ILDR2: variants seen among roughly 807,000 people sequenced by gnomAD.
ILDR2 encodes immunoglobulin-like domain-containing receptor 2.
Under a neutral mutation model 66.8 loss-of-function variants are expected in ILDR2, and 25 were observed. That is an observed-to-expected ratio of 0.37 (90% confidence interval 0.27 to 0.52). The LOEUF (loss-of-function observed/expected upper bound fraction) is 0.52, where lower values mean the gene tolerates loss of function less well. Ranked by LOEUF, ILDR2 falls within the 20% of genes least tolerant of loss-of-function variation. The pLI is 0.88. For missense variants in ILDR2, 827 were observed against 876.8 expected (o/e 0.94, Z 0.72); for synonymous variants, 367 against 357.2 (o/e 1.03, Z -0.31).
At chr1:166,962,391 C>T (rs934407296) in intron 1 of ILDR2, among the ~76,000 whole-genome samples, 1 of 152,184 alleles carries the variant, frequency 6.6e-6, no homozygotes, top group East Asian at 1.9e-4. Context: ...TTGCCCTGAA[C>T]TCTGGCCTGC....
intron 1 of ILDR2, among the ~76,000 whole-genome samples, chr1:166,967,965 C>T (rs906932501): frequency 1.3e-5 from 2 of 152,164 alleles, no homozygotes; most frequent in African/African-American, 2.4e-5. Flanking sequence ...AGTTGAGGAT[C>T]TCATTGTGTC....
chr1:166,952,213 G>T (rs1406664689), intron 3 of ILDR2, among the ~76,000 whole-genome samples: 2 of 152,132 alleles, frequency 1.3e-5, no homozygotes, highest in Non-Finnish European at 2.9e-5. Flanking sequence ...ACAGTGGCGT[G>T]GTTCCAGATT....
In ILDR2 at chr1:166,911,182, C is replaced by T. The variant is rs1286741128; in HGVS notation, c.*8173G>A. On this transcript the variant is annotated 3_prime_UTR_variant, in exon 10 of 10. Transcript: ENST00000271417. The stretch of plus-strand genomic sequence containing the variant: ...TATGTCTATAATTAAGACAGCCATT[C>T]TCTTATATTATCAAACTCTAAAGAA... 6.6e-6 allele frequency: 1 copy of T among 152,252 alleles called. No homozygotes were observed. Among genetic ancestry groups the T allele is most frequent in the Non-Finnish European group, 1.5e-5 (1 of 68,044 alleles). 9.4% of individuals were successfully genotyped at this position (152,252 alleles called of 1,614,324 possible). A position where few individuals can be genotyped will look rare whatever the true frequency, so the allele number is the denominator to read the frequency against.
At position 166,910,108 on chromosome 1, in the gene ILDR2, G is replaced by A. The variant is rs143095103; in HGVS notation, c.*9247C>T. ...CTTTGGTTGTACAGTTTGATGACACGGTTTTTGCTTGTTAAAGAGAAACTG... is the reference window on the plus strand; with the variant it reads ...CTTTGGTTGTACAGTTTGATGACACAGTTTTTGCTTGTTAAAGAGAAACTG... On this transcript the variant is annotated 3_prime_UTR_variant, in exon 10 of 10. Transcript: ENST00000271417. The A allele has an allele frequency of 1.6e-4, 25 of 152,002 alleles. No homozygotes were observed. The highest frequency in any genetic ancestry group is 5.8e-4 in the African/African-American group (24 of 41,460). 9.4% of individuals were successfully genotyped at this position (152,002 alleles called of 1,614,324 possible).
rs1659467853 is a variant in ILDR2 at position 166,911,291 on chromosome 1, G to C, written c.*8064C>G. 1 of 152,180 alleles carries C rather than the reference G, an allele frequency of 6.6e-6. No individual in the cohort carries two copies. Among genetic ancestry groups the C allele is most frequent in the African/African-American group, 2.4e-5 (1 of 41,442 alleles). The allele number at this position is 152,180 out of a possible 1,614,324, so 9.4% of individuals were successfully genotyped here. A position where few individuals can be genotyped will look rare whatever the true frequency, so the allele number is the denominator to read the frequency against. On this transcript the variant is annotated 3_prime_UTR_variant, in exon 10 of 10. Transcript: ENST00000271417. ...GTTGCATTAGAAAGAAATGCACAAT[G>C]CGTGTATGTGTGCCTTTTTCATTTT...
downstream of ILDR2, among the ~76,000 whole-genome samples, chr1:166,904,972 G>GCTAGGTAA (rs1347996837): frequency 3.3e-5 from 5 of 152,134 alleles, no homozygotes; most frequent in Non-Finnish European, 7.3e-5. Context: ...ATCCCTTTGT[G>GCTAGGTAA]CTAGGTAACA....
intron 3 of ILDR2, among the ~76,000 whole-genome samples, chr1:166,956,431 C>A (rs1662286512): frequency 8.2e-6 from 1 of 122,304 alleles, no homozygotes; most frequent in African/African-American, 3.2e-5. Context: ...TATAACAAGA[C>A]AAAGAGAGAA....
At chr1:166,938,066 A>G (rs1571146578) in intron 4 of ILDR2, among the ~76,000 whole-genome samples, 1 of 152,376 alleles carries the variant, frequency 6.6e-6, no homozygotes, top group East Asian at 1.9e-4. Flanking sequence ...AATACATTCA[A>G]ATTAAACAGG....
chr1:166,904,112 C>A (rs191400755), downstream of ILDR2, among the ~76,000 whole-genome samples: 3 of 152,334 alleles, frequency 2.0e-5, no homozygotes, highest in South Asian at 4.1e-4. Context: ...CAGTGCCAAA[C>A]CATTGTATAG....
intron 5 of ILDR2, among the ~76,000 whole-genome samples, chr1:166,935,985 A>G (rs1343672878): frequency 6.6e-6 from 1 of 152,236 alleles, no homozygotes. Flanking sequence ...TCCTGAAGAC[A>G]CTAAAGATAA....
chr1:166,940,114 C>T (rs1661221579), intron 3 of ILDR2, among the ~76,000 whole-genome samples: 1 of 152,164 alleles, frequency 6.6e-6, no homozygotes, highest in Non-Finnish European at 1.5e-5. Flanking sequence ...TTACACATTC[C>T]TCTACACTCC....
At position 166,909,770 on chromosome 1, in the gene ILDR2, AATATATATATTTATATATATATAT is replaced by A. The variant is rs1256275686; in HGVS notation, c.*9561_*9584del. 6.0e-5 allele frequency: 4 copies of A among 66,218 alleles called. No individual in the cohort carries two copies. The highest frequency in any genetic ancestry group is 6.8e-4 in the East Asian group (1 of 1,474). 4.1% of individuals were successfully genotyped at this position (66,218 alleles called of 1,614,324 possible). ...ATATATATATATATAAATATATATA[AATATATATATTTATATATATATAT>A]ATATATATATATCCTTCTAGCTTTG... On this transcript the variant is annotated 3_prime_UTR_variant, in exon 10 of 10. Transcript: ENST00000271417.
chr1:166,939,255 A>AAGGAT, intron 4 of ILDR2, among the ~76,000 whole-genome samples: 1 of 152,228 alleles, frequency 6.6e-6, no homozygotes, highest in Non-Finnish European at 1.5e-5. Flanking sequence ...GGAGATTGCC[A>AAGGAT]AAGAGCCTGC....
intron 9 of ILDR2, 121 bp from the exon 10 acceptor site, chr1:166,919,511 C>T (rs932935687): frequency 4.1e-5 from 33 of 802,684 alleles, no homozygotes; most frequent in Non-Finnish European, 6.2e-5. Flanking sequence ...CCCTGATTCT[C>T]AGAACCTTTC....
rs1162362983 is a variant in ILDR2 at position 166,921,113 on chromosome 1, C to T, written c.1478G>A (p.Arg493His). Residue 493 changes from arginine to histidine, a missense_variant, in exon 9 of 10, where the codon CGC becomes CAC. Physicochemically the swap from Arg to His is conservative, Grantham distance 29 (BLOSUM62 0). Transcript: ENST00000271417. This position sits in a 1 kb window ranked among gnomAD's most constrained non-coding sequence, Gnocchi z 5.3. ...GCGCGCGGGGCTGAAGGCCCAGCCG[C>T]GGTCAGCATCGGTCAGGGGCTCGCG... ...RSREPLTDADRGWAFSPARRR... is the reference protein window; with the variant it reads ...RSREPLTDADHGWAFSPARRR... 2.0e-6 allele frequency: 3 copies of T among 1,517,432 alleles called. No individual in the cohort carries two copies. Among genetic ancestry groups the T allele is most frequent in the Non-Finnish European group, 2.6e-6 (3 of 1,139,282 alleles). The allele number at this position is 1,517,432 out of a possible 1,614,324, so 94.0% of individuals were successfully genotyped here.
chr1:166,953,100 C>T (rs946826674), intron 3 of ILDR2, among the ~76,000 whole-genome samples: 3 of 152,098 alleles, frequency 2.0e-5, no homozygotes, highest in Non-Finnish European at 2.9e-5. Flanking sequence ...GTAACAGTGT[C>T]TTAATTTACT....
chr1:166,898,145 T>C (rs142669685), intron 2 of ILDR2, among the ~76,000 whole-genome samples: 125 of 152,290 alleles, frequency 8.2e-4, no homozygotes, highest in Middle Eastern at 6.8e-3. Context: ...TGAAGTCTAG[T>C]TGGGGCACGA....
intron 1 of ILDR2, 101 bp downstream of exon 1, chr1:166,975,122 T>C (rs1663518696): frequency 3.0e-6 from 3 of 995,648 alleles, no homozygotes; most frequent in South Asian, 1.3e-5. Context: ...GCTTTAAACA[T>C]GGTCAGTAAG....
intron 9 of ILDR2, among the ~76,000 whole-genome samples, chr1:166,919,763 C>A (rs1476183801): frequency 6.6e-6 from 1 of 152,184 alleles, no homozygotes; most frequent in Non-Finnish European, 1.5e-5. Flanking sequence ...ATAAAATACA[C>A]TGAATTCCTT....
Sources: gnomAD v4.1 joint callset for allele counts (sites outside exome capture counted in the v4.1 genomes callset) on GRCh38, gnomAD v4.1.1 for gene constraint, Gnocchi (gnomAD v3.1) non-coding constraint, MANE v1.5 for transcripts, NCBI Gene and HGNC (gene_info 2026-07-23, HGNC 2026-07-21) for gene names.